Variants in ZWILCH observed in about 807,000 individuals in gnomAD.
ZWILCH encodes the protein zwilch kinetochore protein, also known as protein zwilch homolog.
Under a neutral mutation model 79.9 loss-of-function variants are expected in ZWILCH, and 74 were observed. That is an observed-to-expected ratio of 0.93 (90% CI 0.77 to 1.12). ZWILCH has a LOEUF of 1.12. Among genes scored for constraint, ZWILCH ranks in the 50% most tolerant of loss-of-function variants. The probability of loss-of-function intolerance (pLI) is 0.00; values close to 1 mark genes in which losing one functional copy is unlikely to be tolerated. For synonymous variants in ZWILCH, 241 were observed against 228.2 expected (o/e 1.06, Z -0.51); for missense variants, 694 against 687.5 (o/e 1.01, Z -0.11).
intron 4 of ZWILCH, among the ~76,000 whole-genome samples, chr15:66,516,100 G>T (rs577942977): frequency 6.6e-6 from 1 of 152,206 alleles, no homozygotes; most frequent in Non-Finnish European, 1.5e-5. Flanking sequence ...AGAGGGAATT[G>T]GAAATATAGG....
chr15:66,529,063 G>C, intron 11 of ZWILCH, 106 bp downstream of exon 11: 5 of 828,664 alleles, frequency 6.0e-6, no homozygotes, highest in Non-Finnish European at 9.6e-6. Context: ...GGGAAGTCTG[G>C]TTCTTAACTT....
rs769693184 is a variant in ZWILCH at position 66,519,096 on chromosome 15, A to G, written c.520+18A>G. On this transcript the variant is annotated intron_variant, in intron 5 of 18. Coordinates refer to ENST00000307897, the MANE Select transcript of ZWILCH (RefSeq NM_017975.5). ...TTGTAAAGGTGAGTGCTCTCTCTAG[A>G]GAGTGTGTGTGTGTATTTATTCATT... 1 of 1,607,110 alleles carries G rather than the reference A, an allele frequency of 6.2e-7. No homozygotes were observed.
intron 16 of ZWILCH, among the ~76,000 whole-genome samples, chr15:66,539,401 C>CA (rs536047404): frequency 0.052 from 3,007 of 57,608 alleles, 203 homozygotes; most frequent in African/African-American, 0.14. Context: ...AAGACCCTGT[C>CA]AAAAAAAAAA....
At chr15:66,545,092 C>T (rs940338711) in intron 17 of ZWILCH, among the ~76,000 whole-genome samples, 5 of 148,084 alleles carry the variant, frequency 3.4e-5, no homozygotes, top group Non-Finnish European at 6.0e-5. Context: ...GTGGCTCACA[C>T]CTGTAATCCC....
At chr15:66,544,714 T>G (rs1025008278) in intron 17 of ZWILCH, among the ~76,000 whole-genome samples, 5 of 73,048 alleles carry the variant, frequency 6.8e-5, no homozygotes, top group African/African-American at 2.7e-4. Context: ...TTTTGTTGTT[T>G]TTTTGGTTTT....
chr15:66,517,430 G>GTGTGTGTGTGTATATA lies in ZWILCH; in HGVS notation c.321-1448_321-1447insGTGTGTGTGTATATAT. Among the ~76,000 whole-genome samples, 240 of 66,502 alleles carry GTGTGTGTGTGTATATA rather than the reference G, an allele frequency of 3.6e-3. 3 individuals are homozygous for GTGTGTGTGTGTATATA. The highest frequency in any genetic ancestry group is 0.011 in the African/African-American group (184 of 16,328). The allele number at this position is 66,502 out of a possible 152,430, so 43.6% of individuals were successfully genotyped here. A position where few individuals can be genotyped will look rare whatever the true frequency, so the allele number is the denominator to read the frequency against. Reference sequence around the variant, plus strand: ...TGTTTGTGTGTGCGTGTGTGTGTGTGTATATATATATATATATATATATAT... The same window carrying GTGTGTGTGTGTATATA: ...TGTTTGTGTGTGCGTGTGTGTGTGTGTGTGTGTGTGTATATATATATATATATATATATATATATAT... On this transcript the variant is annotated intron_variant, in intron 4 of 18. Coordinates refer to ENST00000307897, the MANE Select transcript of ZWILCH (RefSeq NM_017975.5).
At chr15:66,517,015 G>T (rs1322190197) in intron 4 of ZWILCH, among the ~76,000 whole-genome samples, 2 of 152,022 alleles carry the variant, frequency 1.3e-5, no homozygotes, top group Non-Finnish European at 2.9e-5. Flanking sequence ...CTTTTTGGAA[G>T]TAAAATCCCC....
rs1476581123 is a variant in ZWILCH at position 66,536,007 on chromosome 15, AAT to A, written c.1419_1420del (p.Leu474SerfsTer8). ...TCCAAAAACTCCACCATATTCTAGAAATATTAGTCAGTTGCATGCCTTTCATT... is the reference window on the plus strand; with the variant it reads ...TCCAAAAACTCCACCATATTCTAGAAATTAGTCAGTTGCATGCCTTTCATT... ...RVQKLHHILE[I>X]LVSCMPFIKS... On this transcript the variant is annotated frameshift_variant, in exon 15 of 19. Transcript: ENST00000307897. LOFTEE classifies it high-confidence loss of function. The A allele has an allele frequency of 3.1e-6, 5 of 1,613,040 alleles. No individual in the cohort carries two copies. The highest frequency in any genetic ancestry group is 3.4e-6 in the Non-Finnish European group (4 of 1,179,634).
Position 66,543,818 on chromosome 15 carries a change from C to T in ZWILCH, c.1688-2773C>T, listed in dbSNP as rs116759068. Among the ~76,000 whole-genome samples, 433 of 152,152 alleles carry T rather than the reference C, an allele frequency of 2.8e-3. 1 individual carries two copies. Among genetic ancestry groups the T allele is most frequent in the African/African-American group, 9.8e-3 (408 of 41,514 alleles). On this transcript the variant is annotated intron_variant, in intron 17 of 18. Transcript: ENST00000307897. ...TAAATCAGAATCTCTGGGAGTACAGCTGGGACATCAGTAATTTGTAGAGTT... is the reference window on the plus strand; with the variant it reads ...TAAATCAGAATCTCTGGGAGTACAGTTGGGACATCAGTAATTTGTAGAGTT...
intron 2 of ZWILCH, 80 bp downstream of exon 2, chr15:66,508,972 C>T (rs1180113859): frequency 3.1e-5 from 21 of 668,628 alleles, no homozygotes; most frequent in Non-Finnish European, 4.3e-5. Flanking sequence ...CGGAGTCATG[C>T]TCTGTTACCC....
intron 2 of ZWILCH, 43 bp downstream of exon 2, chr15:66,508,935 T>C (rs772482235): frequency 6.2e-7 from 1 of 1,601,120 alleles, no homozygotes; most frequent in Non-Finnish European, 8.5e-7. Flanking sequence ...AATCCTAAAA[T>C]TGTCTGTTTT....
intron 8 of ZWILCH, among the ~76,000 whole-genome samples, chr15:66,524,045 C>G (rs960209671): frequency 6.6e-6 from 1 of 152,038 alleles, no homozygotes; most frequent in Admixed American, 6.6e-5. Flanking sequence ...GTTCATTCAT[C>G]AGTCGATTGA....
rs146187745 is a variant in ZWILCH at position 66,544,436 on chromosome 15, A to G, written c.1688-2155A>G. On this transcript the variant is annotated intron_variant, in intron 17 of 18. Coordinates refer to ENST00000307897, the MANE Select transcript of ZWILCH (RefSeq NM_017975.5). ...AGACTCAATCTTCCAGGCTCAAGCA[A>G]TCCTCCTACTTCAGCGTCCCAAGTA... is the stretch of plus-strand genomic sequence containing the variant. Among the ~76,000 whole-genome samples, 51 of 151,482 alleles carry G rather than the reference A, an allele frequency of 3.4e-4. No individual in the cohort carries two copies. The East Asian group carries it at 9.6e-3, about 28-fold the overall frequency.
chr15:66,537,242 C>A lies in ZWILCH; in HGVS notation c.1553C>A (p.Ala518Asp), dbSNP rs764259303. Residue 518 changes from alanine (A) to aspartate (D), a missense_variant, in exon 16 of 19, where the codon GCT becomes GAT. Ala to Asp is a moderately radical substitution (Grantham distance 126, BLOSUM62 -2). Coordinates refer to ENST00000307897, the MANE Select transcript of ZWILCH (RefSeq NM_017975.5). ...TTTCAGCTGCCAGTCAGACCAACTG[C>A]TGTAAAGAACTTATATCAAAGGTAA... Reference protein sequence around the residue: ...HIFQLPVRPTAVKNLYQSEKP... With the variant: ...HIFQLPVRPTDVKNLYQSEKP... The A allele has an allele frequency of 3.1e-6, 5 of 1,612,900 alleles. No homozygotes were observed. Among genetic ancestry groups the A allele is most frequent in the Non-Finnish European group, 3.4e-6 (4 of 1,179,772 alleles).
chr15:66,523,632 G>T (rs574000811), intron 7 of ZWILCH, 45 bp from the exon 8 acceptor site: 1 of 1,252,528 alleles, frequency 8.0e-7, no homozygotes, highest in South Asian at 1.2e-5. Context: ...TGTAGAGAAG[G>T]TAGGATTAGC....
At chr15:66,527,471 G>T in intron 9 of ZWILCH, 88 bp downstream of exon 9, 1 of 1,081,742 alleles carries the variant, frequency 9.2e-7, no homozygotes, top group Non-Finnish European at 1.4e-6. Context: ...TTTTTTGATT[G>T]GAATATATAC....
chr15:66,531,375 G>A lies in ZWILCH; in HGVS notation c.1156-872G>A, dbSNP rs117399026. ...GCTCTGGCTTCTCTTTGGTGGAATC[G>A]TATCTGGGGATGATAAGTTTAAACC... On this transcript the variant is annotated intron_variant, in intron 12 of 18. Coordinates refer to ENST00000307897, the MANE Select transcript of ZWILCH (RefSeq NM_017975.5). 4.2e-4 allele frequency among the ~76,000 whole-genome samples: 64 copies of A among 152,284 alleles called. 1 individual carries two copies. The East Asian group carries it at 4.6e-3, about 11-fold the overall frequency.
intron 14 of ZWILCH, 131 bp from the exon 15 acceptor site, chr15:66,535,802 T>C: frequency 1.4e-6 from 1 of 693,608 alleles, no homozygotes; most frequent in Admixed American, 3.6e-5. Flanking sequence ...ATCTAGCTTC[T>C]TCTGGTCTTT....
chr15:66,543,154 G>A (rs955088036), intron 17 of ZWILCH, among the ~76,000 whole-genome samples: 4 of 152,282 alleles, frequency 2.6e-5, no homozygotes, highest in African/African-American at 4.8e-5. Context: ...AGCCAAGATC[G>A]TGCTCTTGCA....
Sources: allele counts gnomAD v4.1 joint callset (sites outside exome capture counted in the v4.1 genomes callset), GRCh38; gene constraint gnomAD v4.1.1; transcripts MANE v1.5; gene names NCBI Gene and HGNC (gene_info 2026-07-23, HGNC 2026-07-21).